FAM110B: variants seen among roughly 807,000 people sequenced by gnomAD.
FAM110B encodes protein FAM110B.
FAM110B carries 6 observed loss-of-function variants against 20.4 expected under a neutral mutation model. That is an observed-to-expected ratio of 0.29 (90% confidence interval 0.16 to 0.58). The LOEUF (loss-of-function observed/expected upper bound fraction) is 0.58. FAM110B is among the 20% of genes least tolerant of loss of function. FAM110B has a pLI of 0.90. For missense variants in FAM110B, 434 were observed against 498.2 expected, an observed-to-expected ratio of 0.87 and a Z score of 1.23; for synonymous variants, 226 against 214.1, an observed-to-expected ratio of 1.06 and a Z score of -0.49.
chr8:57,999,334 G>A (rs919389617), intron 1 of FAM110B, among the ~76,000 whole-genome samples: 2 of 152,200 alleles, frequency 1.3e-5, no homozygotes, highest in African/African-American at 4.8e-5. Flanking sequence ...TTTTGAAATT[G>A]TCCAGTTCCA....
intron 3 of FAM110B, among the ~76,000 whole-genome samples, chr8:58,103,820 T>G (rs972947378): frequency 1.4e-5 from 2 of 147,700 alleles, no homozygotes; most frequent in African/African-American, 5.0e-5. Flanking sequence ...ATTTAATGAC[T>G]TTTTTTGAAG....
intron 1 of FAM110B, among the ~76,000 whole-genome samples, chr8:58,026,761 G>T (rs952375764): frequency 6.6e-6 from 1 of 152,166 alleles, no homozygotes; most frequent in African/African-American, 2.4e-5. Flanking sequence ...TAGTGCAGAT[G>T]CAGCTTCTGG....
At chr8:58,120,382 CT>C (rs1807329125) in intron 3 of FAM110B, among the ~76,000 whole-genome samples, 1 of 151,632 alleles carries the variant, frequency 6.6e-6, no homozygotes, top group South Asian at 2.1e-4. Flanking sequence ...ACTTTTTCGT[CT>C]TCCTGATCCA....
chr8:58,001,822 G>A (rs1364146148), intron 1 of FAM110B, among the ~76,000 whole-genome samples: 1 of 152,072 alleles, frequency 6.6e-6, no homozygotes, highest in Non-Finnish European at 1.5e-5. Flanking sequence ...CCTTGTATTA[G>A]TGAGAGAACC....
chr8:58,078,752 A>C (rs61355663), intron 3 of FAM110B, among the ~76,000 whole-genome samples: 1 of 151,210 alleles, frequency 6.6e-6, no homozygotes, highest in Non-Finnish European at 1.5e-5. Context: ...GGGTTTCACC[A>C]TGTTAGCCAG....
chr8:58,142,549 C>T (rs1193466370), intron 3 of FAM110B, among the ~76,000 whole-genome samples: 1 of 151,512 alleles, frequency 6.6e-6, no homozygotes, highest in Non-Finnish European at 1.5e-5. Flanking sequence ...TGCTCCCCCA[C>T]CCCGACCCCT....
At chr8:58,057,443 CTG>C (rs1805570108) in intron 2 of FAM110B, among the ~76,000 whole-genome samples, 1 of 152,172 alleles carries the variant, frequency 6.6e-6, no homozygotes, top group Non-Finnish European at 1.5e-5. Flanking sequence ...GGAAATTAGA[CTG>C]TAATTTATTT....
chr8:58,100,399 A>C (rs1046380861), intron 3 of FAM110B, among the ~76,000 whole-genome samples: 3 of 152,200 alleles, frequency 2.0e-5, no homozygotes, highest in African/African-American at 7.2e-5. Flanking sequence ...CTATTGTATA[A>C]GTTTTCTAGG....
chr8:58,111,982 T>C (rs1807069492), intron 3 of FAM110B, among the ~76,000 whole-genome samples: 1 of 152,200 alleles, frequency 6.6e-6, no homozygotes, highest in Admixed American at 6.5e-5. Context: ...AAAAGTTTTT[T>C]GGGTTGTTTT....
chr8:58,145,859 G>T (rs935082419), intron 3 of FAM110B, 48 bp from the exon 4 acceptor site: 3 of 170,956 alleles, frequency 1.8e-5, no homozygotes, highest in African/African-American at 7.1e-5. Context: ...CTAGAGCCGT[G>T]ATGTCACCCG....
At chr8:58,095,624 T>G (rs1453495190) in intron 3 of FAM110B, among the ~76,000 whole-genome samples, 1 of 152,236 alleles carries the variant, frequency 6.6e-6, no homozygotes, top group East Asian at 1.9e-4. Flanking sequence ...TGATTTCCAT[T>G]CTTTTGCATT....
chr8:58,128,397 C>T (rs1446652463), intron 3 of FAM110B, among the ~76,000 whole-genome samples: 2 of 152,194 alleles, frequency 1.3e-5, no homozygotes, highest in Admixed American at 6.5e-5. Context: ...TTCTACTTTT[C>T]GAAAAATCAC....
chr8:58,109,014 T>C (rs1225455542), intron 3 of FAM110B, among the ~76,000 whole-genome samples: 3 of 152,236 alleles, frequency 2.0e-5, no homozygotes, highest in Non-Finnish European at 2.9e-5. Flanking sequence ...CTCAACTACC[T>C]TGCTCTGGGC....
intron 2 of FAM110B, among the ~76,000 whole-genome samples, chr8:58,047,707 C>T (rs1239171728): frequency 1.4e-5 from 2 of 147,934 alleles, no homozygotes; most frequent in Non-Finnish European, 3.0e-5. Context: ...AATAGTAATA[C>T]AGGCATTCTA....
chr8:58,040,575 C>T (rs1052485572), intron 2 of FAM110B, among the ~76,000 whole-genome samples: 1 of 152,162 alleles, frequency 6.6e-6, no homozygotes, highest in Non-Finnish European at 1.5e-5. Context: ...AACCAAATGC[C>T]TACACCCAAA....
intron 3 of FAM110B, among the ~76,000 whole-genome samples, chr8:58,080,177 C>T (rs1050748023): frequency 6.6e-6 from 1 of 152,244 alleles, no homozygotes; most frequent in South Asian, 2.1e-4. Context: ...TTCTATCAAA[C>T]CTCTATCCAG....
intron 2 of FAM110B, among the ~76,000 whole-genome samples, chr8:58,056,110 A>G (rs1180356835): frequency 6.6e-6 from 1 of 152,206 alleles, no homozygotes; most frequent in Non-Finnish European, 1.5e-5. Context: ...TGTGTTGACT[A>G]TGTCTGGTTT....
At chr8:58,024,576 AG>A (rs752948662) in intron 1 of FAM110B, among the ~76,000 whole-genome samples, 5 of 152,228 alleles carry the variant, frequency 3.3e-5, no homozygotes, top group African/African-American at 4.8e-5. Flanking sequence ...GATTTGTCCA[AG>A]GTACGTTATG....
rs370451476 is a variant in FAM110B at position 58,063,259 on chromosome 8, C to G, written c.-413-12276C>G. ...CTTGGGTGGAAGTGGGAAAAAAATA[C>G]AAGTTTTTATTAACAATTTATATTC... On this transcript the variant is annotated intron_variant, in intron 2 of 3. Coordinates refer to ENST00000519262, the MANE Select transcript of FAM110B (RefSeq NM_001377989.1). Among the ~76,000 whole-genome samples the G allele has an allele frequency of 2.0e-5, 3 of 152,230 alleles. No homozygotes were observed. The East Asian group carries it at 5.8e-4, about 29-fold the overall frequency.
Sources: gnomAD v4.1 joint callset for allele counts (sites outside exome capture counted in the v4.1 genomes callset) on GRCh38, gnomAD v4.1.1 for gene constraint, MANE v1.5 for transcripts, NCBI Gene and HGNC (gene_info 2026-07-23, HGNC 2026-07-21) for gene names.